Variants in RSPO4 observed in about 807,000 individuals in gnomAD.
RSPO4 encodes the protein R-spondin-4.
A neutral mutation model predicts 24.8 loss-of-function variants in RSPO4; 23 were observed. The ratio of observed to expected loss-of-function variants is 0.93; its 90% CI spans 0.67 to 1.31. The LOEUF is 1.31. Ranked by LOEUF, RSPO4 falls within the 40% of genes most tolerant of loss-of-function variation. The pLI, the probability that RSPO4 is intolerant of heterozygous loss-of-function variation, is 0.00. For synonymous variants in RSPO4, 141 were observed against 127.4 expected (o/e 1.11, Z -0.72); for missense variants, 333 against 316.5 (o/e 1.05, Z -0.39).
Position 981,792 on chromosome 20 carries a change from C to T in RSPO4, c.80-13654G>A, listed in dbSNP as rs1393344923. ...TCCCCACATTAAAGCATAGAGAAGG[C>T]CTGAGCCCCTGCCCTATGCTGGTCC... On this transcript the variant is annotated intron_variant, in intron 1 of 4. Coordinates refer to ENST00000217260, the MANE Select transcript of RSPO4 (RefSeq NM_001029871.4). This position sits in a 1 kb window ranked among gnomAD's most constrained non-coding sequence, Gnocchi z 4.6. Among the ~76,000 whole-genome samples, 1 of 152,116 alleles carries T rather than the reference C, an allele frequency of 6.6e-6. No individual in the cohort carries two copies. Among genetic ancestry groups the T allele is most frequent in the Non-Finnish European group, 1.5e-5 (1 of 68,026 alleles).
intron 1 of RSPO4, among the ~76,000 whole-genome samples, chr20:977,477 A>G (rs1984601057): frequency 6.6e-6 from 1 of 152,220 alleles, no homozygotes; most frequent in South Asian, 2.1e-4. Context: ...GGGGCCTGGC[A>G]GGGCTGACAG....
chr20:988,849 C>A (rs950064185), intron 1 of RSPO4, among the ~76,000 whole-genome samples: 2 of 152,146 alleles, frequency 1.3e-5, no homozygotes, highest in Admixed American at 1.3e-4. Context: ...CTGCGCCCAG[C>A]CAGATCTCAG....
At chr20:989,581 T>A (rs1985031831) in intron 1 of RSPO4, among the ~76,000 whole-genome samples, 1 of 151,722 alleles carries the variant, frequency 6.6e-6, no homozygotes, top group Non-Finnish European at 1.5e-5. Context: ...ATGGTGGGGG[T>A]GGCAGGAACA....
chr20:993,704 T>C (rs1055111594), intron 1 of RSPO4, among the ~76,000 whole-genome samples: 2 of 152,238 alleles, frequency 1.3e-5, no homozygotes, highest in Non-Finnish European at 2.9e-5. Context: ...CCAAACTTAC[T>C]CTGCCAAGCT....
At chr20:986,457 A>G (rs1045081772) in intron 1 of RSPO4, among the ~76,000 whole-genome samples, 5 of 152,108 alleles carry the variant, frequency 3.3e-5, no homozygotes, top group African/African-American at 1.2e-4. Flanking sequence ...CCTACAGGGC[A>G]AATCAGTGGA....
chr20:965,061 CA>C (rs1417890552), intron 3 of RSPO4, among the ~76,000 whole-genome samples: 2 of 152,090 alleles, frequency 1.3e-5, no homozygotes, highest in African/African-American at 2.4e-5. Context: ...ACTGAGCACC[CA>C]GTGTATGCCA....
chr20:960,371 C>G lies in RSPO4; in HGVS notation c.691G>C (p.Gly231Arg), dbSNP rs563843176. The G allele has an allele frequency of 2.6e-6, 4 of 1,536,676 alleles. No individual in the cohort carries two copies. The highest frequency in any genetic ancestry group is 1.7e-6 in the Non-Finnish European group (2 of 1,146,780). Residue 231 changes from glycine to arginine, a missense_variant, in exon 5 of 5, where the codon GGC becomes CGC. By Grantham distance (125) the Gly-to-Arg change is moderately radical (BLOSUM62 -2). Transcript: ENST00000217260. The stretch of plus-strand genomic sequence containing the variant: ...AGAGCCGGCGGTCAGGGCTGCAGGC[C>G]GGGCTGGCGCGGCCTCACGTCCAGC... Reference protein sequence around the residue: ...RRLDVRPRQPGLQP With the variant: ...RRLDVRPRQPRLQP
chr20:975,503 G>A (rs985628212), intron 1 of RSPO4, among the ~76,000 whole-genome samples: 1 of 152,190 alleles, frequency 6.6e-6, no homozygotes, highest in Non-Finnish European at 1.5e-5. Context: ...CAGCTGGAGA[G>A]GCTTAGAATG....
rs1984724761 is a variant in RSPO4, at chr20:981,207, CG to C, written c.80-13070del. Among the ~76,000 whole-genome samples, 1 of 151,946 alleles carries C rather than the reference CG, an allele frequency of 6.6e-6. No individual in the cohort carries two copies. The highest frequency in any genetic ancestry group is 2.4e-5 in the African/African-American group (1 of 41,336). Reference sequence around the variant, plus strand: ...TGTTGGTCTGATGATGAACGTGGAGCGGGAAAATGGGAGTGATACTCAAAAG... The same window carrying C: ...TGTTGGTCTGATGATGAACGTGGAGCGGAAAATGGGAGTGATACTCAAAAG... On this transcript the variant is annotated intron_variant, in intron 1 of 4. Coordinates refer to ENST00000217260, the MANE Select transcript of RSPO4 (RefSeq NM_001029871.4). This position sits in a 1 kb window ranked among gnomAD's most constrained non-coding sequence, Gnocchi z 4.6.
intron 1 of RSPO4, among the ~76,000 whole-genome samples, chr20:1,001,528 C>T (rs1037030964): frequency 6.6e-6 from 1 of 152,152 alleles, no homozygotes; most frequent in Admixed American, 6.5e-5. Flanking sequence ...CTAGGTCATC[C>T]CCTATTAGAA....
At chr20:993,063 G>A (rs1228566364) in intron 1 of RSPO4, among the ~76,000 whole-genome samples, 33 of 152,198 alleles carry the variant, frequency 2.2e-4, no homozygotes, top group Admixed American at 2.0e-3. Context: ...CCACCCTGGC[G>A]GATGTGGGCT....
At chr20:983,302 G>T (rs912587256) in intron 1 of RSPO4, among the ~76,000 whole-genome samples, 1 of 151,876 alleles carries the variant, frequency 6.6e-6, no homozygotes, top group Non-Finnish European at 1.5e-5. Context: ...GTTTCCTATC[G>T]GAAAAGCAGA....
At chr20:992,534 TC>T (rs1459754788) in intron 1 of RSPO4, among the ~76,000 whole-genome samples, 1 of 151,744 alleles carries the variant, frequency 6.6e-6, no homozygotes, top group Non-Finnish European at 1.5e-5. Flanking sequence ...GCCCAACCTC[TC>T]CCCCCATGAC....
At chr20:999,819 C>A (rs1305653057) in intron 1 of RSPO4, among the ~76,000 whole-genome samples, 1 of 151,954 alleles carries the variant, frequency 6.6e-6, no homozygotes, top group Non-Finnish European at 1.5e-5. Context: ...ATTTTTTTGT[C>A]TTTTTTGAGC....
intron 2 of RSPO4, 147 bp from the exon 3 acceptor site, chr20:967,461 TG>T (rs1173990576): frequency 1.2e-6 from 1 of 810,116 alleles, no homozygotes; most frequent in Non-Finnish European, 2.1e-6. Context: ...AGCCCAGACT[TG>T]GCCAAGGTCA....
intron 1 of RSPO4, among the ~76,000 whole-genome samples, chr20:975,666 A>G (rs985675578): frequency 6.6e-6 from 1 of 152,230 alleles, no homozygotes; most frequent in African/African-American, 2.4e-5. Context: ...TGCGTGCATT[A>G]ACCCAGGGTT....
intron 1 of RSPO4, among the ~76,000 whole-genome samples, chr20:977,107 C>G (rs1181948230): frequency 3.3e-5 from 5 of 152,270 alleles, no homozygotes. Flanking sequence ...CAATAGAAAA[C>G]AATGTAGAGC....
intron 1 of RSPO4, among the ~76,000 whole-genome samples, chr20:978,099 G>A (rs1448918831): frequency 6.6e-6 from 1 of 152,186 alleles, no homozygotes; most frequent in South Asian, 2.1e-4. Flanking sequence ...CAGGGCTAGA[G>A]GTCGCTAGCC....
At chr20:962,893 C>T (rs1288748714) in intron 4 of RSPO4, among the ~76,000 whole-genome samples, 4 of 152,190 alleles carry the variant, frequency 2.6e-5, no homozygotes. Context: ...GGGCCTCAGT[C>T]CCCTCATCTG....
Sources: allele counts gnomAD v4.1 joint callset (sites outside exome capture counted in the v4.1 genomes callset), GRCh38; gene constraint gnomAD v4.1.1; non-coding constraint Gnocchi (gnomAD v3.1); transcripts MANE v1.5; gene names NCBI Gene and HGNC (gene_info 2026-07-23, HGNC 2026-07-21).